The following ABCB1 variants were observed in gnomAD, a reference collection of about 807,000 sequenced individuals.
ABCB1 encodes ATP binding cassette subfamily B member 1.
A neutral mutation model predicts 142.0 loss-of-function variants in ABCB1; 69 were observed. That is an observed-to-expected ratio of 0.49 (90% confidence interval 0.40 to 0.59). The LOEUF (loss-of-function observed/expected upper bound fraction) is 0.59. Among genes scored for constraint, ABCB1 ranks in the 20% least tolerant of loss-of-function variants. The probability of loss-of-function intolerance (pLI) is 0.00; values close to 1 mark genes in which losing one functional copy is unlikely to be tolerated. For synonymous variants in ABCB1, 532 were observed against 539.2 expected (o/e 0.99, Z 0.18); for missense variants, 1,326 against 1,554.7 (o/e 0.85, Z 2.47).
At chr7:87,710,096 A>T (rs1442210099) in intron 1 of ABCB1, among the ~76,000 whole-genome samples, 1 of 152,144 alleles carries the variant, frequency 6.6e-6, no homozygotes, top group Non-Finnish European at 1.5e-5. Context: ...TTTTATTACT[A>T]GTTGTATAAA....
At chr7:87,573,602 T>C (rs1359740580) in intron 4 of ABCB1, among the ~76,000 whole-genome samples, 1 of 152,162 alleles carries the variant, frequency 6.6e-6, no homozygotes, top group African/African-American at 2.4e-5. Flanking sequence ...AGCAAAAGTA[T>C]AATCATAGTG....
chr7:87,535,640 G>A (rs926775991), intron 20 of ABCB1, among the ~76,000 whole-genome samples: 1 of 152,060 alleles, frequency 6.6e-6, no homozygotes, highest in Non-Finnish European at 1.5e-5. Context: ...GGACTCCTAA[G>A]GTTTATATTT....
At chr7:87,524,071 T>C (rs1815666469) in intron 21 of ABCB1, among the ~76,000 whole-genome samples, 1 of 152,144 alleles carries the variant, frequency 6.6e-6, no homozygotes, top group Non-Finnish European at 1.5e-5. Flanking sequence ...TCACTGAATC[T>C]TACATAAATT....
intron 26 of ABCB1, among the ~76,000 whole-genome samples, chr7:87,507,497 T>C (rs1454362553): frequency 6.6e-6 from 1 of 152,196 alleles, no homozygotes; most frequent in African/African-American, 2.4e-5. Flanking sequence ...TGGAGCTTTC[T>C]GTTTTAAATG....
At chr7:87,703,885 C>CTTTTTTTTTTTTTTTTTTTTTTTTTTTGT (rs1829326718) in intron 1 of ABCB1, among the ~76,000 whole-genome samples, 2 of 60,280 alleles carry the variant, frequency 3.3e-5, no homozygotes, top group African/African-American at 6.3e-5. Context: ...TCAGTTTTTT[C>CTTTTTTTTTTTTTTTTTTTTTTTTTTTGT]TTTTTTTTTT....
At chr7:87,556,524 G>A (rs1027431437) in intron 8 of ABCB1, among the ~76,000 whole-genome samples, 1 of 152,162 alleles carries the variant, frequency 6.6e-6, no homozygotes, top group Non-Finnish European at 1.5e-5. Context: ...GAGAAGAACA[G>A]GAAAGAAAAC....
chr7:87,678,953 T>C (rs1446732353), intron 1 of ABCB1, among the ~76,000 whole-genome samples: 1 of 151,732 alleles, frequency 6.6e-6, no homozygotes, highest in Non-Finnish European at 1.5e-5. Context: ...GAGGAGAAAA[T>C]AGAAAAATCT....
In ABCB1 at chr7:87,567,732, A is replaced by T. The variant is rs372728744; in HGVS notation, c.339-756T>A. On this transcript the variant is annotated intron_variant, in intron 5 of 27. Coordinates refer to ENST00000622132, the MANE Select transcript of ABCB1 (RefSeq NM_001348946.2). ...CATTAAAAAACACGAGTATTGTCTT[A>T]AAAAACAGACCCTTAATCAATCTAG... Among the ~76,000 whole-genome samples, 4 of 152,306 alleles carry T rather than the reference A, an allele frequency of 2.6e-5. No individual in the cohort carries two copies. In the East Asian group the frequency reaches 5.8e-4, roughly 22 times the overall value.
chr7:87,630,557 A>C (rs1260048172), intron 1 of ABCB1, among the ~76,000 whole-genome samples: 2 of 152,194 alleles, frequency 1.3e-5, no homozygotes, highest in Non-Finnish European at 2.9e-5. Context: ...ACAGACATCA[A>C]AAATTGCTTT....
intron 1 of ABCB1, among the ~76,000 whole-genome samples, chr7:87,658,408 A>C (rs1824336227): frequency 6.6e-6 from 1 of 152,172 alleles, no homozygotes; most frequent in Non-Finnish European, 1.5e-5. Flanking sequence ...CCTGTGGGAC[A>C]ATAACAAAAG....
At chr7:87,630,421 G>A (rs764057386) in intron 1 of ABCB1, among the ~76,000 whole-genome samples, 16 of 152,104 alleles carry the variant, frequency 1.1e-4, no homozygotes, top group Non-Finnish European at 1.8e-4. Flanking sequence ...TTAATTTGCC[G>A]TTTGTGCTGT....
At chr7:87,557,454 A>G (rs1049815496) in intron 8 of ABCB1, among the ~76,000 whole-genome samples, 17 of 152,342 alleles carry the variant, frequency 1.1e-4, no homozygotes, top group African/African-American at 4.1e-4. Context: ...TCTTACGTCA[A>G]TTCTTGATCT....
Position 87,506,043 on chromosome 7 carries a change from T to A in ABCB1, c.3490A>T (p.Lys1164Ter). 1.2e-6 allele frequency: 2 copies of A among 1,613,796 alleles called. No individual in the cohort carries two copies. The highest frequency in any genetic ancestry group is 1.7e-6 in the Non-Finnish European group (2 of 1,179,692). ...TTGTCTCCTACTTTAGTGCTATATT[T>A]CTGTAAATAAGGTTTTGTTGTTATG... ...IHAFIESLPN[K>*]YSTKVGDKGT... is the part of the protein sequence containing the mutation. Residue 1164 changes from lysine (K) to a stop codon, truncating the protein, a stop_gained and splice_region_variant, in exon 27 of 28, where the codon AAA becomes TAA. Coordinates refer to ENST00000622132, the MANE Select transcript of ABCB1 (RefSeq NM_001348946.2). LOFTEE classifies it high-confidence loss of function.
intron 4 of ABCB1, among the ~76,000 whole-genome samples, chr7:87,574,765 T>C (rs781210248): frequency 1.3e-5 from 2 of 152,306 alleles, no homozygotes; most frequent in Admixed American, 6.5e-5. Flanking sequence ...CATCTTGCAA[T>C]AGAACTCCGT....
At chr7:87,697,432 T>A (rs1014835675) in intron 1 of ABCB1, among the ~76,000 whole-genome samples, 61 of 152,206 alleles carry the variant, frequency 4.0e-4, no homozygotes, top group Non-Finnish European at 7.2e-4. Context: ...TGATCCCAGA[T>A]AATAGAAGTC....
upstream of ABCB1, among the ~76,000 whole-genome samples, chr7:87,604,619 T>A (rs572768468): frequency 2.6e-5 from 4 of 152,046 alleles, no homozygotes; most frequent in Non-Finnish European, 5.9e-5. Context: ...TATGGACACC[T>A]GCATTGAAAA....
At chr7:87,510,614 G>A (rs1295179121) in intron 25 of ABCB1, among the ~76,000 whole-genome samples, 4 of 152,226 alleles carry the variant, frequency 2.6e-5, no homozygotes, top group Non-Finnish European at 4.4e-5. Context: ...TGACTAGTGC[G>A]TGCTGAGCCA....
At chr7:87,634,457 A>G (rs1184928114) in intron 1 of ABCB1, among the ~76,000 whole-genome samples, 1 of 135,686 alleles carries the variant, frequency 7.4e-6, no homozygotes, top group Non-Finnish European at 1.6e-5. Context: ...CCCCGTCTCT[A>G]CTAAAAATAC....
At chr7:87,680,877 A>G (rs1394645987) in intron 1 of ABCB1, among the ~76,000 whole-genome samples, 1 of 150,726 alleles carries the variant, frequency 6.6e-6, no homozygotes, top group Non-Finnish European at 1.5e-5. Context: ...AATGGAGGAA[A>G]TAATAGATAA....
Sources: allele counts gnomAD v4.1 joint callset (sites outside exome capture counted in the v4.1 genomes callset), GRCh38; gene constraint gnomAD v4.1.1; transcripts MANE v1.5; gene names NCBI Gene and HGNC (gene_info 2026-07-23, HGNC 2026-07-21).